The following MACROD2 variants were observed in gnomAD, a reference collection of about 807,000 sequenced individuals.
MACROD2 encodes the protein ADP-ribose glycohydrolase MACROD2.
In MACROD2, 36 loss-of-function variants were observed where a neutral mutation model predicts 70.4. The observed-to-expected ratio is 0.51, with a 90% CI of 0.39 to 0.68. The LOEUF (loss-of-function observed/expected upper bound fraction) is 0.68, where lower values mean the gene tolerates loss of function less well. Among genes scored for constraint, MACROD2 ranks in the 30% least tolerant of loss-of-function variants. MACROD2 has a pLI of 0.00. For missense variants in MACROD2, 496 were observed against 538.4 expected (o/e 0.92, Z 0.78); for synonymous variants, 172 against 178.8 (o/e 0.96, Z 0.30).
intron 5 of MACROD2, among the ~76,000 whole-genome samples, chr20:15,132,873 A>T (rs2076116925): frequency 6.6e-6 from 1 of 152,104 alleles, no homozygotes; most frequent in Admixed American, 6.5e-5. Context: ...GAAGAGCAAA[A>T]TAAAGGGGCC....
chr20:15,372,937 A>T (rs1355636535), intron 6 of MACROD2, among the ~76,000 whole-genome samples: 4 of 152,044 alleles, frequency 2.6e-5, no homozygotes, highest in Middle Eastern at 3.2e-3. Context: ...CTATAGTCCC[A>T]ATTGCTTGGG....
intron 4 of MACROD2, among the ~76,000 whole-genome samples, chr20:14,653,688 A>C (rs1985812250): frequency 6.6e-6 from 1 of 152,180 alleles, no homozygotes; most frequent in Non-Finnish European, 1.5e-5. Flanking sequence ...AACGTGTTAC[A>C]GCAGACTGTG....
intron 3 of MACROD2, among the ~76,000 whole-genome samples, chr20:14,394,693 G>T (rs1478864017): frequency 6.6e-6 from 1 of 152,158 alleles, no homozygotes; most frequent in South Asian, 2.1e-4. Flanking sequence ...AAAGCTTTCG[G>T]TCTTTCCCCA....
chr20:15,740,835 G>A (rs752140638), intron 8 of MACROD2, among the ~76,000 whole-genome samples: 1 of 151,640 alleles, frequency 6.6e-6, no homozygotes, highest in Non-Finnish European at 1.5e-5. Flanking sequence ...AGGGAATCCC[G>A]TTAGCTCAAC....
At chr20:15,436,833 T>C (rs1450284661) in intron 7 of MACROD2, among the ~76,000 whole-genome samples, 1 of 152,212 alleles carries the variant, frequency 6.6e-6, no homozygotes, top group Non-Finnish European at 1.5e-5. Flanking sequence ...TAAGTCATAC[T>C]AGAATGGAGG....
At chr20:15,085,342 T>C (rs1177405809) in intron 5 of MACROD2, among the ~76,000 whole-genome samples, 3 of 152,138 alleles carry the variant, frequency 2.0e-5, no homozygotes, top group Non-Finnish European at 4.4e-5. Context: ...GGCAATAGTT[T>C]CTTGGATATG....
intron 6 of MACROD2, among the ~76,000 whole-genome samples, chr20:15,351,679 T>C (rs1568741285): frequency 6.6e-6 from 1 of 152,178 alleles, no homozygotes; most frequent in Non-Finnish European, 1.5e-5. Flanking sequence ...GAAGGTGTTT[T>C]TGGGGACCCC....
At chr20:14,335,741 T>C (rs1223636719) in intron 3 of MACROD2, among the ~76,000 whole-genome samples, 1 of 152,196 alleles carries the variant, frequency 6.6e-6, no homozygotes, top group Non-Finnish European at 1.5e-5. Context: ...AATATTTTGC[T>C]GATCCTTGGA....
At chr20:14,822,769 G>A (rs1191609114) in intron 5 of MACROD2, among the ~76,000 whole-genome samples, 3 of 152,018 alleles carry the variant, frequency 2.0e-5, no homozygotes, top group East Asian at 1.9e-4. Flanking sequence ...TAGAGTTTTC[G>A]ATAATTATTA....
At chr20:15,581,167 T>C (rs2048518321) in intron 8 of MACROD2, among the ~76,000 whole-genome samples, 1 of 152,200 alleles carries the variant, frequency 6.6e-6, no homozygotes, top group Non-Finnish European at 1.5e-5. Context: ...CAGAGAGACC[T>C]TGAGGCTTCT....
chr20:15,577,539 G>A (rs1044510114), intron 8 of MACROD2, among the ~76,000 whole-genome samples: 2 of 151,986 alleles, frequency 1.3e-5, no homozygotes, highest in Non-Finnish European at 2.9e-5. Context: ...CCATATTTGG[G>A]TATAAATCGT....
At chr20:15,650,670 G>A (rs924758447) in intron 8 of MACROD2, among the ~76,000 whole-genome samples, 2 of 152,144 alleles carry the variant, frequency 1.3e-5, no homozygotes, top group East Asian at 1.9e-4. Context: ...TCTAAAGACT[G>A]TTCAGCAGTT....
chr20:15,610,023 T>A lies in MACROD2; in HGVS notation c.645+110176T>A, dbSNP rs460848. On this transcript the variant is annotated intron_variant, in intron 8 of 17. Transcript: ENST00000684519. ...GCTGTGGGTAATATTTCTTCTTCTG[T>A]CTCCCTTTTGCTAGCACTCCTGGAA... Among the ~76,000 whole-genome samples the A allele has an allele frequency of 8.8e-3, 1,343 of 152,236 alleles. 11 individuals carry two copies. Among genetic ancestry groups the A allele is most frequent in the Middle Eastern group, 0.031 (9 of 292 alleles).
intron 3 of MACROD2, among the ~76,000 whole-genome samples, chr20:14,443,930 A>G (rs540138438): frequency 1.0e-3 from 156 of 152,274 alleles, no homozygotes; most frequent in Non-Finnish European, 1.6e-3. Flanking sequence ...GTCAGTGCTC[A>G]CTAAGTGGTT....
At chr20:14,749,596 A>G (rs1285545003) in intron 5 of MACROD2, among the ~76,000 whole-genome samples, 2 of 152,154 alleles carry the variant, frequency 1.3e-5, no homozygotes, top group Non-Finnish European at 2.9e-5. Context: ...GTACTATTGC[A>G]TATTTCAGTC....
intron 8 of MACROD2, among the ~76,000 whole-genome samples, chr20:15,597,646 A>G (rs1002980084): frequency 1.3e-4 from 20 of 152,236 alleles, no homozygotes; most frequent in African/African-American, 4.6e-4. Flanking sequence ...AAGAATCAAC[A>G]AAAATGCTTC....
intron 5 of MACROD2, among the ~76,000 whole-genome samples, chr20:14,748,295 T>A (rs966187317): frequency 1.3e-5 from 2 of 152,122 alleles, no homozygotes; most frequent in African/African-American, 4.8e-5. Context: ...TCATTATTTT[T>A]ACTCTCTGTC....
intron 8 of MACROD2, among the ~76,000 whole-genome samples, chr20:15,703,130 C>T (rs1174028660): frequency 1.3e-5 from 2 of 152,208 alleles, no homozygotes; most frequent in African/African-American, 4.8e-5. Flanking sequence ...TCACCAAATA[C>T]AAAAATTAAT....
intron 5 of MACROD2, among the ~76,000 whole-genome samples, chr20:14,864,892 T>G (rs999204339): frequency 7.2e-5 from 11 of 152,144 alleles, no homozygotes; most frequent in Non-Finnish European, 1.5e-4. Flanking sequence ...CACAAGGGCT[T>G]AGGGTATATA....
Sources: gnomAD v4.1 joint callset for allele counts (sites outside exome capture counted in the v4.1 genomes callset) on GRCh38, gnomAD v4.1.1 for gene constraint, MANE v1.5 for transcripts, NCBI Gene and HGNC (gene_info 2026-07-23, HGNC 2026-07-21) for gene names.